The following CCDC91 variants were observed in gnomAD, a reference collection of about 807,000 sequenced individuals.
The protein encoded by CCDC91 is coiled-coil domain-containing protein 91.
CCDC91 carries 48 observed loss-of-function variants against 63.2 expected under a neutral mutation model. The ratio of observed to expected loss-of-function variants is 0.76; its 90% CI spans 0.60 to 0.97. CCDC91 has a LOEUF of 0.97. Among genes scored for constraint, CCDC91 ranks in the 50% least tolerant of loss-of-function variants. The pLI is 0.00. For missense variants in CCDC91, 500 were observed against 494.6 expected (o/e 1.01, Z -0.10); for synonymous variants, 167 against 165.8 (o/e 1.01, Z -0.06).
At chr12:28,357,088 C>T (rs1943575513) in intron 6 of CCDC91, among the ~76,000 whole-genome samples, 1 of 152,112 alleles carries the variant, frequency 6.6e-6, no homozygotes, top group Non-Finnish European at 1.5e-5. Context: ...TAAAAGAAAG[C>T]CTTGGTTCAG....
intron 8 of CCDC91, among the ~76,000 whole-genome samples, chr12:28,391,828 A>AT (rs1281819189): frequency 2.6e-5 from 4 of 152,004 alleles, no homozygotes; most frequent in African/African-American, 7.2e-5. Flanking sequence ...TTCTATTCAA[A>AT]TTTTTTTCTT....
intron 8 of CCDC91, among the ~76,000 whole-genome samples, chr12:28,416,157 A>C (rs1947646756): frequency 6.6e-6 from 1 of 152,148 alleles, no homozygotes. Flanking sequence ...CTTTATATCT[A>C]ATAAGCTTCT....
intron 6 of CCDC91, among the ~76,000 whole-genome samples, chr12:28,335,139 T>G (rs1202085801): frequency 7.0e-6 from 1 of 142,320 alleles, no homozygotes; most frequent in African/African-American, 2.6e-5. Flanking sequence ...ATATTTATAT[T>G]ATATATATTT....
chr12:28,503,775 G>A (rs1938306008), intron 12 of CCDC91, among the ~76,000 whole-genome samples: 1 of 152,130 alleles, frequency 6.6e-6, no homozygotes, highest in Non-Finnish European at 1.5e-5. Flanking sequence ...ATGAGTTCAT[G>A]TCCTTTGTAG....
chr12:28,508,743 C>G (rs971722075), intron 12 of CCDC91, among the ~76,000 whole-genome samples: 1 of 151,776 alleles, frequency 6.6e-6, no homozygotes, highest in African/African-American at 2.4e-5. Context: ...CTCTAAAGCC[C>G]AGAGTTTGCA....
At chr12:28,288,532 C>T (rs1475589737) in intron 3 of CCDC91, among the ~76,000 whole-genome samples, 1 of 152,182 alleles carries the variant, frequency 6.6e-6, no homozygotes, top group Non-Finnish European at 1.5e-5. Context: ...ACCAACCTTG[C>T]ATCCCAGGGA....
At chr12:28,487,955 CAG>C (rs897874816) in intron 12 of CCDC91, among the ~76,000 whole-genome samples, 8 of 151,546 alleles carry the variant, frequency 5.3e-5, no homozygotes, top group Non-Finnish European at 1.0e-4. Context: ...CAGAAAAACA[CAG>C]AATTAAAAAT....
intron 12 of CCDC91, among the ~76,000 whole-genome samples, chr12:28,525,874 G>A (rs1478423747): frequency 2.0e-5 from 3 of 151,920 alleles, no homozygotes; most frequent in Non-Finnish European, 4.4e-5. Context: ...TTTAACTGCT[G>A]TTTTTAAAGT....
At chr12:28,461,351 T>G (rs1307779532) in intron 11 of CCDC91, among the ~76,000 whole-genome samples, 2 of 152,064 alleles carry the variant, frequency 1.3e-5, no homozygotes, top group Non-Finnish European at 2.9e-5. Flanking sequence ...CTTTCTACAC[T>G]ATGGATATCT....
At chr12:28,258,559 T>C (rs999196754) in intron 2 of CCDC91, among the ~76,000 whole-genome samples, 3 of 152,058 alleles carry the variant, frequency 2.0e-5, no homozygotes, top group Non-Finnish European at 4.4e-5. Context: ...TTCCATATCC[T>C]GCTGTATAAA....
intron 11 of CCDC91, among the ~76,000 whole-genome samples, chr12:28,467,753 T>A (rs895088449): frequency 1.3e-5 from 2 of 152,032 alleles, no homozygotes; most frequent in African/African-American, 2.4e-5. Flanking sequence ...TTGAATAATA[T>A]CAAGCATCTT....
chr12:28,488,848 T>C (rs950600068), intron 12 of CCDC91, among the ~76,000 whole-genome samples: 9 of 151,994 alleles, frequency 5.9e-5, no homozygotes, highest in Non-Finnish European at 8.8e-5. Context: ...TTTATTAAAA[T>C]GTAAATTTTG....
chr12:28,544,848 T>C (rs2141853575), intron 12 of CCDC91, among the ~76,000 whole-genome samples: 1 of 152,154 alleles, frequency 6.6e-6, no homozygotes, highest in East Asian at 1.9e-4. Context: ...ACTTTTGCAA[T>C]GGCATGAAAC....
At position 28,471,859 on chromosome 12, in the gene CCDC91, C is replaced by T. The variant is rs559020684; in HGVS notation, c.1102-12193C>T. Among the ~76,000 whole-genome samples, 139 of 152,050 alleles carry T rather than the reference C, an allele frequency of 9.1e-4. 2 individuals carry two copies. The highest frequency in any genetic ancestry group is 3.0e-3 in the African/African-American group (123 of 41,536). On this transcript the variant is annotated intron_variant, in intron 11 of 12. Transcript: ENST00000536442. ...CCGCCTCCCGGGTTCAAGCAATTCT[C>T]GTACCTCAGCCTCCCTGAGTAGCTG...
At chr12:28,347,126 G>T (rs1257878440) in intron 6 of CCDC91, among the ~76,000 whole-genome samples, 1 of 152,152 alleles carries the variant, frequency 6.6e-6, no homozygotes, top group African/African-American at 2.4e-5. Flanking sequence ...AATTTGTTCA[G>T]TCCATCATAT....
chr12:28,326,569 G>T (rs1941028416), intron 6 of CCDC91, among the ~76,000 whole-genome samples: 1 of 102,492 alleles, frequency 9.8e-6, no homozygotes, highest in Non-Finnish European at 1.8e-5. Context: ...CCCCACAACA[G>T]TCCCCAGAGT....
chr12:28,280,242 A>G (rs913561025), intron 3 of CCDC91, among the ~76,000 whole-genome samples: 7 of 152,194 alleles, frequency 4.6e-5, no homozygotes, highest in African/African-American at 1.7e-4. Context: ...ATAATCTTAT[A>G]CAGTTGAATA....
chr12:28,197,269 A>G (rs11049443), intron 1 of CCDC91, among the ~76,000 whole-genome samples: 39,653 of 151,972 alleles, frequency 0.26, 5,440 homozygotes, highest in Non-Finnish European at 0.31. Flanking sequence ...GTTCCTTAGA[A>G]ATCGGTCTAG....
chr12:28,223,145 T>C (rs35509638), intron 1 of CCDC91, among the ~76,000 whole-genome samples: 11 of 152,046 alleles, frequency 7.2e-5, no homozygotes, highest in Non-Finnish European at 1.3e-4. Flanking sequence ...AAATTGAAAG[T>C]GTGATGAAGC....
Sources: gnomAD v4.1 joint callset for allele counts (sites outside exome capture counted in the v4.1 genomes callset) on GRCh38, gnomAD v4.1.1 for gene constraint, MANE v1.5 for transcripts, NCBI Gene and HGNC (gene_info 2026-07-23, HGNC 2026-07-21) for gene names.